OST4: variants seen among roughly 807,000 people sequenced by gnomAD.
OST4 encodes oligosaccharyltransferase complex subunit 4, non-catalytic, also known as dolichyl-diphosphooligosaccharide--protein glycosyltransferase subunit 4.
Under a neutral mutation model 2.1 loss-of-function variants are expected in OST4, and 3 were observed. The observed-to-expected ratio is 1.42, with a 90% CI of 0.65 to 3.67. The LOEUF (loss-of-function observed/expected upper bound fraction) is 3.67, where lower values mean the gene tolerates loss of function less well. Ranked by LOEUF, OST4 falls within the 30% of genes most tolerant of loss-of-function variation. The pLI is 0.03. For synonymous variants in OST4, 23 were observed against 21.6 expected, an observed-to-expected ratio of 1.06 and a Z score of -0.18; for missense variants, 52 against 47.1, an observed-to-expected ratio of 1.10 and a Z score of -0.30.
At chr2:27,071,205 G>C (rs1249134290) in intron 2 of OST4, 121 bp downstream of exon 2, 3 of 656,986 alleles carry the variant, frequency 4.6e-6, no homozygotes, top group Admixed American at 2.4e-5. Context: ...AAGGGGCCCA[G>C]TTCTGGACTG....
chr2:27,070,492 G>C lies in OST4; in HGVS notation c.*253C>G. ...CAAGATTTTGGGACCACAAAAAAAA[G>C]TCTATATTTTTATATTGGGGGGAGG... On this transcript the variant is annotated 3_prime_UTR_variant, in exon 3 of 3. Transcript: ENST00000456793. 2.0e-6 allele frequency: 1 copy of C among 510,698 alleles called. No individual in the cohort carries two copies. Among genetic ancestry groups the C allele is most frequent in the Non-Finnish European group, 3.5e-6 (1 of 287,714 alleles). 31.6% of individuals were successfully genotyped at this position (510,698 alleles called of 1,614,324 possible). A position where few individuals can be genotyped will look rare whatever the true frequency, so the allele number is the denominator to read the frequency against.
At position 27,071,480 on chromosome 2, in the gene OST4, G is replaced by C. The variant is rs1299873934; in HGVS notation, c.-1-17C>G. 1.5e-5 allele frequency: 23 copies of C among 1,542,744 alleles called. No homozygotes were observed. In the East Asian group the frequency reaches 5.4e-4, roughly 36 times the overall value. ...GTGATCATCCTGCGGAGAAGAGAGG[G>C]GCTGAGCTGCGGGCTGGCGCACTCC... On this transcript the variant is annotated splice_polypyrimidine_tract_variant and intron_variant, in intron 1 of 2. Transcript: ENST00000456793.
At chr2:27,071,259 C>G in intron 2 of OST4, 67 bp downstream of exon 2, 1 of 996,170 alleles carries the variant, frequency 1.0e-6, no homozygotes, top group Non-Finnish European at 1.5e-6. Flanking sequence ...GTTTCGAACC[C>G]TGCTAGCCCT....
In OST4 at chr2:27,070,473, T is replaced by G; in HGVS notation, c.*272A>C. ...CTTCCCTCCCTCCGCAGCACAAGAT[T>G]TTGGGACCACAAAAAAAAGTCTATA... On this transcript the variant is annotated 3_prime_UTR_variant, in exon 3 of 3. Transcript: ENST00000456793. The G allele has an allele frequency of 1.9e-6, 1 of 535,012 alleles. No homozygotes were observed. Among genetic ancestry groups the G allele is most frequent in the Non-Finnish European group, 3.3e-6 (1 of 303,616 alleles). 33.1% of individuals were successfully genotyped at this position (535,012 alleles called of 1,614,324 possible).
At chr2:27,070,966 C>T (rs965024732) in intron 2 of OST4, among the ~76,000 whole-genome samples, 2 of 152,204 alleles carry the variant, frequency 1.3e-5, no homozygotes, top group Non-Finnish European at 2.9e-5. Flanking sequence ...CAAATAAGGC[C>T]TAAACAACCT....
At position 27,071,581 on chromosome 2, in the gene OST4, G is replaced by A; in HGVS notation, c.-2+20C>T. The A allele has an allele frequency of 5.7e-6, 4 of 700,020 alleles. No individual in the cohort carries two copies. The highest frequency in any genetic ancestry group is 9.3e-6 in the Non-Finnish European group (4 of 428,498). 43.4% of individuals were successfully genotyped at this position (700,020 alleles called of 1,614,324 possible). ...CCACGGCGGGGCTGGCCCGTGGGAC[G>A]GCCCCTGCGTGCCTCTGACCTGACC... On this transcript the variant is annotated intron_variant, in intron 1 of 2. Transcript: ENST00000456793.
intron 1 of OST4, 69 bp from the exon 2 acceptor site, chr2:27,071,532 C>T: frequency 7.4e-7 from 1 of 1,349,938 alleles, no homozygotes; most frequent in Non-Finnish European, 1.0e-6. Context: ...CCGTCCTCGC[C>T]CCACGGGCCA....
At chr2:27,071,157 G>A (rs1188145442) in intron 2 of OST4, among the ~76,000 whole-genome samples, 169 bp downstream of exon 2, 1 of 152,224 alleles carries the variant, frequency 6.6e-6, no homozygotes, top group Non-Finnish European at 1.5e-5. Flanking sequence ...AGGTTACGGG[G>A]AGAGGACAGC....
chr2:27,071,293 T>G, intron 2 of OST4, 33 bp downstream of exon 2: 1 of 1,416,808 alleles, frequency 7.1e-7, no homozygotes, highest in South Asian at 1.2e-5. Flanking sequence ...CACTCAGCTC[T>G]GGGGACTGGG....
intron 2 of OST4, 114 bp from the exon 3 acceptor site, chr2:27,070,835 A>C (rs1412222349): frequency 6.4e-6 from 1 of 156,360 alleles, no homozygotes; most frequent in East Asian, 1.9e-4. Flanking sequence ...ACCCACACTT[A>C]AGGCTGGCTC....
rs146678891 is a variant in OST4, at chr2:27,071,642, C to A, written c.-43G>T. ...GGCTCCGACGCCACCAGCGAACAAG[C>A]CCGAAGTCAGAGACCTGGACCGGAA... On this transcript the variant is annotated 5_prime_UTR_variant, in exon 1 of 3. Transcript: ENST00000456793. 9.1e-4 allele frequency: 472 copies of A among 516,424 alleles called. 6 individuals are homozygous for A. In the East Asian group the frequency reaches 0.014, roughly 16 times the overall value. 32.0% of individuals were successfully genotyped at this position (516,424 alleles called of 1,614,324 possible).
intron 1 of OST4, 55 bp from the exon 2 acceptor site, chr2:27,071,518 G>A: frequency 1.4e-6 from 2 of 1,425,228 alleles, no homozygotes; most frequent in Non-Finnish European, 1.9e-6. Flanking sequence ...GCCCTCGCAA[G>A]AACCCGTCCT....
chr2:27,071,197 G>C lies in OST4; in HGVS notation c.*23+129C>G, dbSNP rs1055151086. 3 of 619,746 alleles carry C rather than the reference G, an allele frequency of 4.8e-6. No individual in the cohort carries two copies. In the African/African-American group the frequency reaches 5.5e-5, roughly 11 times the overall value. 38.4% of individuals were successfully genotyped at this position (619,746 alleles called of 1,614,324 possible). On this transcript the variant is annotated intron_variant, in intron 2 of 2. Coordinates refer to ENST00000456793, the MANE Select transcript of OST4 (RefSeq NM_001134693.2). The stretch of plus-strand genomic sequence containing the variant: ...TCTCTCTCTACTCTGTGCAGACAAA[G>C]GGGCCCAGTTCTGGACTGTATCATG...
In OST4 at chr2:27,071,323, T is replaced by TA; in HGVS notation, c.*23+2dup. On this transcript the variant is annotated splice_region_variant and intron_variant, in intron 2 of 2. Coordinates refer to ENST00000456793, the MANE Select transcript of OST4 (RefSeq NM_001134693.2). ...ACTGGGCGCTACAGCCCCGGGCCGT[T>TA]ACCTGGGGCGGAGAAAGCGCCACTT... 1 of 1,528,780 alleles carries TA rather than the reference T, an allele frequency of 6.5e-7. No individual in the cohort carries two copies. The highest frequency in any genetic ancestry group is 8.9e-7 in the Non-Finnish European group (1 of 1,126,472). The allele number at this position is 1,528,780 out of a possible 1,614,324, so 94.7% of individuals were successfully genotyped here.
In OST4 at chr2:27,071,603, G is replaced by A. The variant is rs1312448432; in HGVS notation, c.-4C>T. The A allele has an allele frequency of 1.9e-5, 11 of 594,100 alleles. No homozygotes were observed. The highest frequency in any genetic ancestry group is 2.0e-5 in the Non-Finnish European group (7 of 344,340). The allele number at this position is 594,100 out of a possible 1,614,324, so 36.8% of individuals were successfully genotyped here. A position where few individuals can be genotyped will look rare whatever the true frequency, so the allele number is the denominator to read the frequency against. On this transcript the variant is annotated splice_region_variant and 5_prime_UTR_variant, in exon 1 of 3. Transcript: ENST00000456793. ...GACGGCCCCTGCGTGCCTCTGACCT[G>A]ACCAGTCCGGCTCGGCTCCGACGCC... is the stretch of plus-strand genomic sequence containing the variant.
intron 2 of OST4, among the ~76,000 whole-genome samples, chr2:27,071,089 C>CATCT (rs1488733788): frequency 3.9e-5 from 6 of 152,230 alleles, no homozygotes; most frequent in Admixed American, 2.0e-4. Context: ...CCAACTTGGG[C>CATCT]ATCTACCTAC....
Position 27,071,401 on chromosome 2 carries a change from A to C in OST4, c.62T>G (p.Leu21Arg), listed in dbSNP as rs1669267959. 6.4e-7 allele frequency: 1 copy of C among 1,551,734 alleles called. No homozygotes were observed. The highest frequency in any genetic ancestry group is 8.7e-7 in the Non-Finnish European group (1 of 1,146,984). The change falls in exon 2 of 3, where the codon CTT becomes CGT. Residue 21 changes from leucine to arginine, a missense_variant. Transcript: ENST00000456793. The stretch of plus-strand genomic sequence containing the variant: ...GGCCACGTAGTGATAGAGAACGACA[A>C]GCAAGAAGAGCGACACGCCCAGCAT... The part of the protein sequence containing the change: ...ANMLGVSLFL[L>R]VVLYHYVAVN...
chr2:27,071,256 A>T, intron 2 of OST4, 70 bp downstream of exon 2: 1 of 955,770 alleles, frequency 1.0e-6, no homozygotes, highest in Non-Finnish European at 1.6e-6. Context: ...TAAGTTTCGA[A>T]CCCTGCTAGC....
chr2:27,071,576 G>A, intron 1 of OST4, 25 bp downstream of exon 1: 1 of 725,914 alleles, frequency 1.4e-6, no homozygotes, highest in Non-Finnish European at 2.2e-6. Flanking sequence ...GCTGGCCCGT[G>A]GGACGGCCCC....
Sources: gnomAD v4.1 joint callset for allele counts (sites outside exome capture counted in the v4.1 genomes callset) on GRCh38, gnomAD v4.1.1 for gene constraint, MANE v1.5 for transcripts, NCBI Gene and HGNC (gene_info 2026-07-23, HGNC 2026-07-21) for gene names.